SEMA6D: variants seen among roughly 807,000 people sequenced by gnomAD.
The protein encoded by SEMA6D is semaphorin 6D, also known as semaphorin-6D.
In SEMA6D, 35 loss-of-function variants were observed where a neutral mutation model predicts 106.6. The ratio of observed to expected loss-of-function variants is 0.33; its 90% CI spans 0.25 to 0.44. The LOEUF is 0.44. SEMA6D is among the 20% of genes least tolerant of loss of function. The pLI is 1.00. For synonymous variants in SEMA6D, 499 were observed against 487.7 expected, an observed-to-expected ratio of 1.02 and a Z score of -0.31; for missense variants, 1,185 against 1,345.9, an observed-to-expected ratio of 0.88 and a Z score of 1.87.
intron 3 of SEMA6D, among the ~76,000 whole-genome samples, chr15:47,518,978 A>G (rs2044480944): frequency 6.6e-6 from 1 of 152,118 alleles, no homozygotes; most frequent in African/African-American, 2.4e-5. Context: ...TAATCCTAGC[A>G]CTTTGGGAGG....
intron 1 of SEMA6D, among the ~76,000 whole-genome samples, chr15:47,315,555 C>T (rs1309180661): frequency 2.0e-5 from 3 of 152,114 alleles, no homozygotes; most frequent in African/African-American, 7.2e-5. Flanking sequence ...TGTTCTTTTC[C>T]TTCAATATTA....
chr15:47,758,019 A>G (rs1333436859), intron 1 of SEMA6D, among the ~76,000 whole-genome samples: 2 of 152,236 alleles, frequency 1.3e-5, no homozygotes, highest in Non-Finnish European at 2.9e-5. Flanking sequence ...TGCCCAAGTC[A>G]TACTGACTCC....
intron 1 of SEMA6D, among the ~76,000 whole-genome samples, chr15:47,739,717 C>T (rs561695582): frequency 8.5e-5 from 13 of 152,206 alleles, no homozygotes; most frequent in African/African-American, 3.1e-4. Flanking sequence ...GTTTCTTGGT[C>T]CAGTCTTCCA....
intron 4 of SEMA6D, among the ~76,000 whole-genome samples, chr15:47,661,730 G>A (rs1250715319): frequency 1.3e-5 from 2 of 152,178 alleles, no homozygotes; most frequent in Non-Finnish European, 2.9e-5. Context: ...AAACCGCGTT[G>A]CCTAGTTACA....
chr15:47,427,350 A>G (rs970443229), intron 2 of SEMA6D, among the ~76,000 whole-genome samples: 4 of 152,154 alleles, frequency 2.6e-5, no homozygotes, highest in African/African-American at 4.8e-5. Context: ...GGGAGATGCT[A>G]TGCACTCATG....
chr15:47,184,684 C>T (rs1472665207), intron 1 of SEMA6D, among the ~76,000 whole-genome samples: 1 of 152,154 alleles, frequency 6.6e-6, no homozygotes, highest in Non-Finnish European at 1.5e-5. Context: ...CTTGCCCGAT[C>T]CCGGAGCTGT....
Position 47,309,874 on chromosome 15 carries a change from A to G in SEMA6D, c.-238-102519A>G, listed in dbSNP as rs536468789. On this transcript the variant is annotated intron_variant, in intron 1 of 19. Coordinates refer to the SEMA6D transcript ENST00000558014. The stretch of plus-strand genomic sequence containing the variant: ...GATGAGTACTCAAAGTATGCTTTCT[A>G]CAGAATGTGTACTGCTTTCACACCA... Among the ~76,000 whole-genome samples, 12 of 152,338 alleles carry G rather than the reference A, an allele frequency of 7.9e-5. No homozygotes were observed. The East Asian group carries it at 1.7e-3, about 22-fold the overall frequency.
rs77488647 is a variant in SEMA6D at position 47,721,124 on chromosome 15, T to C, written c.-55+3432T>C. Among the ~76,000 whole-genome samples the C allele has an allele frequency of 5.6e-4, 86 of 152,364 alleles. No homozygotes were observed. The East Asian group carries it at 0.015, about 27-fold the overall frequency. On this transcript the variant is annotated intron_variant, in intron 1 of 18. Coordinates refer to ENST00000536845, the MANE Select transcript of SEMA6D (RefSeq NM_001358351.3). Reference sequence around the variant, plus strand: ...GTTCCAACACCAGGTGAGCCAGATATGTTTCTCTGTATTTTCAATAGAGCA... The same window carrying C: ...GTTCCAACACCAGGTGAGCCAGATACGTTTCTCTGTATTTTCAATAGAGCA...
Position 47,771,575 on chromosome 15 carries a change from C to G in SEMA6D, c.3012C>G (p.Pro1004=), listed in dbSNP as rs145861068. ...ACCGTGGAGGATATATGCCCACCCC[C>G]ACTGGGGCGAAGGTGGACTATATTC... ...SMNRGGYMPT[P]TGAKVDYIQG... is the part of the protein sequence containing the mutation. Residue 1004 remains proline, a synonymous_variant, in exon 19 of 19, where the codon CCC becomes CCG. Coordinates refer to ENST00000536845, the MANE Select transcript of SEMA6D (RefSeq NM_001358351.3). 5 of 1,614,124 alleles carry G rather than the reference C, an allele frequency of 3.1e-6. No individual in the cohort carries two copies. The highest frequency in any genetic ancestry group is 1.3e-5 in the African/African-American group (1 of 75,054).
Position 47,763,103 on chromosome 15 carries a change from A to G in SEMA6D, c.746A>G (p.Lys249Arg). Reference protein sequence around the residue: ...EIAVEHNNLGKAVYSRVARIC... With the variant: ...EIAVEHNNLGRAVYSRVARIC... ...GCTGTCGAACATAATAATTTAGGCA[A>G]GGCAAGTATATGCATTTGGCTTGAA... is the stretch of plus-strand genomic sequence containing the variant. Residue 249 changes from lysine to arginine, a missense_variant and splice_region_variant, in exon 9 of 19, where the codon AAG becomes AGG. This residue lies in a region of SEMA6D where 291 missense variants were observed against 423.8 expected (regional missense o/e 0.69). Coordinates refer to ENST00000536845, the MANE Select transcript of SEMA6D (RefSeq NM_001358351.3). 1 of 1,610,200 alleles carries G rather than the reference A, an allele frequency of 6.2e-7. No homozygotes were observed.
chr15:47,227,522 T>G (rs1233669163), intron 1 of SEMA6D, among the ~76,000 whole-genome samples: 4 of 147,922 alleles, frequency 2.7e-5, no homozygotes, highest in Non-Finnish European at 6.0e-5. Context: ...CTTCTTTTTC[T>G]TTCTTCCTCT....
At chr15:47,531,097 A>C (rs1016793183) in intron 3 of SEMA6D, among the ~76,000 whole-genome samples, 1 of 152,236 alleles carries the variant, frequency 6.6e-6, no homozygotes, top group Non-Finnish European at 1.5e-5. Context: ...ATTTGCCTTT[A>C]ATGTAACCAA....
At chr15:47,316,132 AC>A (rs2036668209) in intron 1 of SEMA6D, among the ~76,000 whole-genome samples, 1 of 47,944 alleles carries the variant, frequency 2.1e-5, no homozygotes, top group African/African-American at 1.2e-4. Flanking sequence ...TTGTTCTGTC[AC>A]CCAGGCTGGA....
At chr15:47,224,662 C>T (rs907910328) in intron 1 of SEMA6D, among the ~76,000 whole-genome samples, 6 of 152,044 alleles carry the variant, frequency 3.9e-5, no homozygotes, top group Admixed American at 6.6e-5. Flanking sequence ...ACGGTAGATG[C>T]TCAATAAATA....
chr15:47,271,216 T>C (rs1197158215), intron 1 of SEMA6D, among the ~76,000 whole-genome samples: 1 of 152,204 alleles, frequency 6.6e-6, no homozygotes, highest in Non-Finnish European at 1.5e-5. Context: ...TGATTTTATT[T>C]AGGCTGTTAC....
At chr15:47,184,366 C>G (rs998217938) in exon 1 of SEMA6D, 3 of 152,500 alleles carry the variant, frequency 2.0e-5, no homozygotes, top group Non-Finnish European at 2.9e-5. Context: ...GCCCGCGGTG[C>G]TAGACACCTG....
At chr15:47,463,361 A>G (rs1567097035) in intron 2 of SEMA6D, among the ~76,000 whole-genome samples, 1 of 152,162 alleles carries the variant, frequency 6.6e-6, no homozygotes, top group East Asian at 1.9e-4. Flanking sequence ...TTTGCTGATC[A>G]TCTCTGCCCA....
intron 2 of SEMA6D, among the ~76,000 whole-genome samples, chr15:47,456,228 A>T (rs1177798740): frequency 6.6e-6 from 1 of 151,958 alleles, no homozygotes; most frequent in Non-Finnish European, 1.5e-5. Flanking sequence ...TTCTCTACAC[A>T]ATACTTCTTA....
At chr15:47,291,783 A>G (rs895671073) in intron 1 of SEMA6D, among the ~76,000 whole-genome samples, 2 of 152,222 alleles carry the variant, frequency 1.3e-5, no homozygotes, top group Admixed American at 6.5e-5. Flanking sequence ...TGATAATACC[A>G]TAACACTGTG....
Sources: allele counts gnomAD v4.1 joint callset (sites outside exome capture counted in the v4.1 genomes callset), GRCh38; gene constraint gnomAD v4.1.1; regional missense constraint gnomAD v4.1.1; transcripts MANE v1.5; gene names NCBI Gene and HGNC (gene_info 2026-07-23, HGNC 2026-07-21).